ITGAM: variants seen among roughly 807,000 people sequenced by gnomAD.
The protein encoded by ITGAM is integrin subunit alpha M.
ITGAM carries 79 observed loss-of-function variants against 137.5 expected under a neutral mutation model. The ratio of observed to expected loss-of-function variants is 0.57; its 90% CI spans 0.48 to 0.69. The LOEUF (loss-of-function observed/expected upper bound fraction) is 0.69, where lower values mean the gene tolerates loss of function less well. Among genes scored for constraint, ITGAM ranks in the 30% least tolerant of loss-of-function variants. ITGAM has a pLI of 0.00. For synonymous variants in ITGAM, 583 were observed against 592.3 expected (o/e 0.98, Z 0.23); for missense variants, 1,343 against 1,483.5 (o/e 0.91, Z 1.56).
At chr16:31,289,986 C>T (rs2144356758) in intron 12 of ITGAM, among the ~76,000 whole-genome samples, 1 of 147,492 alleles carries the variant, frequency 6.8e-6, no homozygotes, top group East Asian at 2.0e-4. Flanking sequence ...GAGGCTGAGG[C>T]AGGAGAATCG....
chr16:31,272,063 G>A, intron 7 of ITGAM, 71 bp downstream of exon 7: 1 of 1,587,018 alleles, frequency 6.3e-7, no homozygotes, highest in Non-Finnish European at 8.6e-7. Flanking sequence ...ATGGATGAAG[G>A]GAGCCGTTCA....
intron 22 of ITGAM, among the ~76,000 whole-genome samples, chr16:31,327,333 T>A (rs1467592249): frequency 6.6e-6 from 1 of 151,626 alleles, no homozygotes; most frequent in Non-Finnish European, 1.5e-5. Context: ...AAGCCTGTAA[T>A]CCCAGCACTT....
At chr16:31,274,610 A>ATTTATTTATTTTTT (rs58443776) in intron 8 of ITGAM, among the ~76,000 whole-genome samples, 7 of 148,924 alleles carry the variant, frequency 4.7e-5, no homozygotes, top group African/African-American at 1.5e-4. Flanking sequence ...TTATTTATTT[A>ATTTATTTATTTTTT]TATTTATTTA....
At chr16:31,321,680 G>A in intron 16 of ITGAM, 53 bp downstream of exon 16, 2 of 1,567,636 alleles carry the variant, frequency 1.3e-6, no homozygotes, top group Non-Finnish European at 8.7e-7. Flanking sequence ...GACATGAATG[G>A]GTGCTGCAAT....
In ITGAM at chr16:31,332,319, G is replaced by C. The variant is rs1346918963; in HGVS notation, c.*612G>C. On this transcript the variant is annotated 3_prime_UTR_variant, in exon 30 of 30. Coordinates refer to ENST00000544665, the MANE Select transcript of ITGAM (RefSeq NM_000632.4). ...GATGGAGACTCCATGAGAAGCCGTGGGTGGAACCAGGAACCTCCTCCACAC... is the reference window on the plus strand; with the variant it reads ...GATGGAGACTCCATGAGAAGCCGTGCGTGGAACCAGGAACCTCCTCCACAC... 1 of 152,324 alleles carries C rather than the reference G, an allele frequency of 6.6e-6. No individual in the cohort carries two copies. Among genetic ancestry groups the C allele is most frequent in the African/African-American group, 2.4e-5 (1 of 41,462 alleles). 9.4% of individuals were successfully genotyped at this position (152,324 alleles called of 1,614,324 possible). A position where few individuals can be genotyped will look rare whatever the true frequency, so the allele number is the denominator to read the frequency against.
At chr16:31,300,053 G>A (rs73534420) in intron 14 of ITGAM, among the ~76,000 whole-genome samples, 1 of 151,820 alleles carries the variant, frequency 6.6e-6, no homozygotes, top group African/African-American at 2.4e-5. Flanking sequence ...TAGAGATGGG[G>A]TCTCCCTATG....
rs919184175 is a variant in ITGAM at position 31,271,703 on chromosome 16, C to G, written c.559-144C>G. ...GAGATGGGAGCTGCTGGCAGCTCTC[C>G]GTCCTGGTGAGGCAGGGGATTAGGG... On this transcript the variant is annotated intron_variant, in intron 6 of 29. Transcript: ENST00000544665. The G allele has an allele frequency of 4.1e-6, 4 of 967,868 alleles. No homozygotes were observed. The African/African-American group carries it at 6.6e-5, about 16-fold the overall frequency. 60.0% of individuals were successfully genotyped at this position (967,868 alleles called of 1,614,324 possible). A position where few individuals can be genotyped will look rare whatever the true frequency, so the allele number is the denominator to read the frequency against.
chr16:31,330,519 C>T lies in ITGAM; in HGVS notation c.3190C>T (p.Leu1064Phe). ...TCTTCCACAGACCTCGCATAACCAC[C>T]TCCTGATCGTGAGCACAGCTGAGAT... ...DWYIKTSHNHLLIVSTAEILF... is the reference protein window; with the variant it reads ...DWYIKTSHNHFLIVSTAEILF... Residue 1064 changes from leucine (L) to phenylalanine (F), a missense_variant, in exon 28 of 30, where the codon CTC (leucine) becomes TTC (phenylalanine). Transcript: ENST00000544665. 6.2e-7 allele frequency: 1 copy of T among 1,613,758 alleles called. No homozygotes were observed. The highest frequency in any genetic ancestry group is 8.5e-7 in the Non-Finnish European group (1 of 1,179,692).
chr16:31,294,511 T>C (rs1476453549), intron 12 of ITGAM, among the ~76,000 whole-genome samples: 1 of 152,198 alleles, frequency 6.6e-6, no homozygotes, highest in Non-Finnish European at 1.5e-5. Context: ...TGTCTTTAGT[T>C]CTGTTTATGT....
chr16:31,328,828 G>A lies in ITGAM; in HGVS notation c.2793-400G>A, dbSNP rs113305282. On this transcript the variant is annotated intron_variant, in intron 23 of 29. Coordinates refer to ENST00000544665, the MANE Select transcript of ITGAM (RefSeq NM_000632.4). Reference sequence around the variant, plus strand: ...TGAAGGTCTATGTGCATGTGTGTGCGCATGGGTGTGTATTTGTGCATGTGT... The same window carrying A: ...TGAAGGTCTATGTGCATGTGTGTGCACATGGGTGTGTATTTGTGCATGTGT... Among the ~76,000 whole-genome samples the A allele has an allele frequency of 6.9e-3, 1,042 of 150,718 alleles. 12 individuals are homozygous for A. Among genetic ancestry groups the A allele is most frequent in the Non-Finnish European group, 0.012 (812 of 67,674 alleles).
Position 31,332,554 on chromosome 16 carries a change from G to A in ITGAM, c.*847G>A, listed in dbSNP as rs969654214. 1 of 152,166 alleles carries A rather than the reference G, an allele frequency of 6.6e-6. No individual in the cohort carries two copies. Among genetic ancestry groups the A allele is most frequent in the Non-Finnish European group, 1.5e-5 (1 of 68,042 alleles). The allele number at this position is 152,166 out of a possible 1,614,324, so 9.4% of individuals were successfully genotyped here. A position where few individuals can be genotyped will look rare whatever the true frequency, so the allele number is the denominator to read the frequency against. The stretch of plus-strand genomic sequence containing the variant: ...AAGGTAGTCAAGATTGTGTTTTGAG[G>A]TTTCCTTCAGACAGATTCCAGGCGA... On this transcript the variant is annotated 3_prime_UTR_variant, in exon 30 of 30. Transcript: ENST00000544665.
intron 12 of ITGAM, among the ~76,000 whole-genome samples, chr16:31,283,729 G>A (rs112888795): frequency 4.6e-5 from 7 of 152,188 alleles, no homozygotes; most frequent in Non-Finnish European, 5.9e-5. Flanking sequence ...CTCTCAACTC[G>A]TTAAAGTCAT....
Position 31,329,887 on chromosome 16 carries a change from C to T in ITGAM, c.2958C>T (p.Pro986=), listed in dbSNP as rs1399699498. 1 of 1,562,008 alleles carries T rather than the reference C, an allele frequency of 6.4e-7. No individual in the cohort carries two copies. The change falls in exon 25 of 30, where the codon CCC becomes CCT. Residue 986 remains proline (P), a synonymous_variant. Coordinates refer to ENST00000544665, the MANE Select transcript of ITGAM (RefSeq NM_000632.4). ...RLNQTVIWDR[P]QVTFSENLSS... ...ACCAGACTGTCATATGGGACCGCCC[C>T]CAGGTCACCTTCTCCGAGGTGAGCG... is the stretch of plus-strand genomic sequence containing the variant.
chr16:31,261,835 T>C, intron 2 of ITGAM, 38 bp downstream of exon 2: 1 of 1,346,728 alleles, frequency 7.4e-7, no homozygotes, highest in Non-Finnish European at 1.1e-6. Flanking sequence ...CTCAGTGCTT[T>C]CTCTCCAAGA....
chr16:31,298,568 T>G (rs1293641267), intron 14 of ITGAM, among the ~76,000 whole-genome samples: 1 of 152,212 alleles, frequency 6.6e-6, no homozygotes, highest in Non-Finnish European at 1.5e-5. Flanking sequence ...AGGCATTCCT[T>G]TCTTCTGAAT....
At position 31,324,331 on chromosome 16, in the gene ITGAM, C is replaced by T; in HGVS notation, c.2003-68C>T. The T allele has an allele frequency of 7.3e-7, 1 of 1,368,124 alleles. No homozygotes were observed. Among genetic ancestry groups the T allele is most frequent in the Non-Finnish European group, 1.0e-6 (1 of 984,594 alleles). 84.7% of individuals were successfully genotyped at this position (1,368,124 alleles called of 1,614,324 possible). Reference sequence around the variant, plus strand: ...ACAGCTGAGAAGCAGAGGAGCTGGGCCTTGAACTCCCATCTGCCGGGTTCC... The same window carrying T: ...ACAGCTGAGAAGCAGAGGAGCTGGGTCTTGAACTCCCATCTGCCGGGTTCC... On this transcript the variant is annotated intron_variant, in intron 16 of 29. Coordinates refer to ENST00000544665, the MANE Select transcript of ITGAM (RefSeq NM_000632.4). This position sits in a 1 kb window ranked among gnomAD's most constrained non-coding sequence, Gnocchi z 4.5.
intron 14 of ITGAM, among the ~76,000 whole-genome samples, chr16:31,313,625 T>G (rs763105718): frequency 9.2e-5 from 14 of 152,246 alleles, no homozygotes; most frequent in Non-Finnish European, 1.5e-4. Context: ...ATACAGTTTA[T>G]CATTGATGGG....
chr16:31,312,990 C>G (rs573672340), intron 14 of ITGAM, among the ~76,000 whole-genome samples: 3 of 151,340 alleles, frequency 2.0e-5, no homozygotes, highest in East Asian at 1.9e-4. Flanking sequence ...GAGGCCGAGG[C>G]GGGCGGATCA....
intron 14 of ITGAM, among the ~76,000 whole-genome samples, chr16:31,319,737 T>C (rs1427312405): frequency 6.6e-6 from 1 of 151,778 alleles, no homozygotes; most frequent in African/African-American, 2.4e-5. Flanking sequence ...TGTCCCTCTT[T>C]TCTTCTCTTG....
Sources: allele counts gnomAD v4.1 joint callset (sites outside exome capture counted in the v4.1 genomes callset), GRCh38; gene constraint gnomAD v4.1.1; non-coding constraint Gnocchi (gnomAD v3.1); transcripts MANE v1.5; gene names NCBI Gene and HGNC (gene_info 2026-07-23, HGNC 2026-07-21).